The following SF3A1 variants were observed in gnomAD, a reference collection of about 807,000 sequenced individuals.
SF3A1 encodes the protein SAP 114.
In SF3A1, 13 loss-of-function variants were observed where a neutral mutation model predicts 89.9. That is an observed-to-expected ratio of 0.14 (90% CI 0.09 to 0.23). The LOEUF (loss-of-function observed/expected upper bound fraction) is 0.23, where lower values mean the gene tolerates loss of function less well. Among genes scored for constraint, SF3A1 ranks in the 10% least tolerant of loss-of-function variants. The pLI is 1.00. For missense variants in SF3A1, 604 were observed against 1,022.1 expected, an observed-to-expected ratio of 0.59 and a Z score of 5.58; for synonymous variants, 405 against 374.4, an observed-to-expected ratio of 1.08 and a Z score of -0.94.
intron 1 of SF3A1, among the ~76,000 whole-genome samples, chr22:30,354,911 G>A (rs892361887): frequency 1.3e-5 from 2 of 152,134 alleles, no homozygotes; most frequent in African/African-American, 4.8e-5. Flanking sequence ...GTGACAGAAC[G>A]ACACCCGGTC....
chr22:30,353,493 T>A (rs1931662514), intron 1 of SF3A1, among the ~76,000 whole-genome samples: 1 of 152,228 alleles, frequency 6.6e-6, no homozygotes, highest in Admixed American at 6.5e-5. Context: ...TGCCACCACC[T>A]GGCCCTGGTG....
intron 5 of SF3A1, 148 bp from the exon 6 acceptor site, chr22:30,342,498 C>T: frequency 1.2e-6 from 1 of 865,454 alleles, no homozygotes; most frequent in East Asian, 2.6e-5. Flanking sequence ...GCACCTGGTT[C>T]CACCCAGGTG....
chr22:30,350,334 T>C (rs1258042731), intron 2 of SF3A1, among the ~76,000 whole-genome samples: 1 of 117,420 alleles, frequency 8.5e-6, no homozygotes, highest in Non-Finnish European at 2.0e-5. Context: ...AAAAAAAAAT[T>C]AGCTGGGTGT....
chr22:30,340,127 A>G, intron 9 of SF3A1, 69 bp downstream of exon 9: 1 of 1,338,730 alleles, frequency 7.5e-7, no homozygotes, highest in Non-Finnish European at 9.8e-7. Context: ...GTTGCTTTCT[A>G]TGTTTGCTTA....
At chr22:30,356,423 T>C (rs1218486265) in intron 1 of SF3A1, among the ~76,000 whole-genome samples, 2 of 152,278 alleles carry the variant, frequency 1.3e-5, no homozygotes, top group South Asian at 2.1e-4. Context: ...CTCGCACTTA[T>C]AAATCAATCA....
At position 30,334,423 on chromosome 22, in the gene SF3A1, G is replaced by C. The variant is rs1274658100; in HGVS notation, c.*171C>G. On this transcript the variant is annotated 3_prime_UTR_variant, in exon 16 of 16. Transcript: ENST00000215793. ...ACCCAGCTACTCTTACCAATGTGGGGAAAGGGTCAGGGGAATGAACCTCTG... is the reference window on the plus strand; with the variant it reads ...ACCCAGCTACTCTTACCAATGTGGGCAAAGGGTCAGGGGAATGAACCTCTG... 2.0e-6 allele frequency: 1 copy of C among 510,594 alleles called. No individual in the cohort carries two copies. Among genetic ancestry groups the C allele is most frequent in the East Asian group, 3.6e-5 (1 of 27,752 alleles). 31.6% of individuals were successfully genotyped at this position (510,594 alleles called of 1,614,324 possible).
In SF3A1 at chr22:30,356,758, G is replaced by T. The variant is rs1931884425; in HGVS notation, c.35C>A (p.Pro12Gln). Residue 12 changes from proline to glutamine, a missense_variant, in exon 1 of 16, where the codon CCG (proline) becomes CAG (glutamine). Physicochemically the swap from Pro to Gln is moderately conservative, Grantham distance 76. This residue lies in a region of SF3A1 where 55 missense variants were observed against 43.8 expected (regional missense o/e 1.25). Transcript: ENST00000215793. Reference protein sequence around the residue: ...PAGPVQAVPPPPPVPTEPKQP... With the variant: ...PAGPVQAVPPQPPVPTEPKQP... The stretch of plus-strand genomic sequence containing the variant: ...TTTGGGCTCCGTGGGCACGGGCGGC[G>T]GCGGGGGCACCGCCTGCACGGGTCC... 3 of 1,485,376 alleles carry T rather than the reference G, an allele frequency of 2.0e-6. No homozygotes were observed. The highest frequency in any genetic ancestry group is 2.7e-6 in the Non-Finnish European group (3 of 1,113,654). 92.0% of individuals were successfully genotyped at this position (1,485,376 alleles called of 1,614,324 possible).
At position 30,355,818 on chromosome 22, in the gene SF3A1, C is replaced by CT. The variant is rs1555980848; in HGVS notation, c.63+911_63+912insA. ...GGCATGGCTTCTTCAGTCATGTTCC[C>CT]CCCCCCCGCCCCCCTTATTCTGAAC... On this transcript the variant is annotated intron_variant, in intron 1 of 15. Coordinates refer to ENST00000215793, the MANE Select transcript of SF3A1 (RefSeq NM_005877.6). Among the ~76,000 whole-genome samples the CT allele has an allele frequency of 7.6e-5, 8 of 105,798 alleles. 1 individual carries two copies. The highest frequency in any genetic ancestry group is 2.5e-4 in the African/African-American group (7 of 27,480). The allele number at this position is 105,798 out of a possible 152,430, so 69.4% of individuals were successfully genotyped here. A position where few individuals can be genotyped will look rare whatever the true frequency, so the allele number is the denominator to read the frequency against.
At chr22:30,348,045 A>G (rs1271495930) in intron 2 of SF3A1, among the ~76,000 whole-genome samples, 1 of 152,122 alleles carries the variant, frequency 6.6e-6, no homozygotes, top group African/African-American at 2.4e-5. Flanking sequence ...GGGTTTCACC[A>G]TGTTGCTCAG....
At chr22:30,339,954 C>G (rs1315630346) in intron 9 of SF3A1, among the ~76,000 whole-genome samples, 1 of 152,200 alleles carries the variant, frequency 6.6e-6, no homozygotes, top group Non-Finnish European at 1.5e-5. Flanking sequence ...GAAGCCCTTC[C>G]AGCTAAAGCC....
At chr22:30,356,415 C>G (rs1569178003) in intron 1 of SF3A1, among the ~76,000 whole-genome samples, 1 of 152,258 alleles carries the variant, frequency 6.6e-6, no homozygotes, top group Non-Finnish European at 1.5e-5. Context: ...CAGCGCCTCT[C>G]GCACTTATAA....
chr22:30,336,956 G>C (rs146729012), intron 13 of SF3A1, 70 bp downstream of exon 13: 3 of 1,584,170 alleles, frequency 1.9e-6, no homozygotes, highest in Non-Finnish European at 2.6e-6. Context: ...GGTCAGTTTC[G>C]CAAGTGTACG....
rs762077184 is a variant in SF3A1, at chr22:30,340,294, T to C, written c.1277A>G (p.Gln426Arg). The change falls in exon 9 of 16, where the codon CAG becomes CGG. Residue 426 changes from glutamine to arginine, a missense_variant. Physicochemically the swap from Gln to Arg is conservative, Grantham distance 43. This residue lies in a region of SF3A1 where 146 missense variants were observed against 228.5 expected (regional missense o/e 0.64). Coordinates refer to ENST00000215793, the MANE Select transcript of SF3A1 (RefSeq NM_005877.6). ...AAGAAGTCCAATGCGCATGTGTTCC[T>C]GCATTTTGCTGGCGGGGATCTTCTC... ...TGEKIPASKMQEHMRIGLLDP... is the reference protein window; with the variant it reads ...TGEKIPASKMREHMRIGLLDP... 6.2e-7 allele frequency: 1 copy of C among 1,613,474 alleles called. No individual in the cohort carries two copies. The highest frequency in any genetic ancestry group is 1.7e-5 in the Admixed American group (1 of 59,768).
Position 30,346,358 on chromosome 22 carries a change from A to C in SF3A1, c.347T>G (p.Val116Gly). Residue 116 changes from valine (V) to glycine (G), a missense_variant, in exon 3 of 16, where the codon GTC (valine) becomes GGC (glycine). Around this residue, in one of 9 missense-constraint regions of SF3A1, gnomAD observed 162 missense variants for 229.2 expected, o/e 0.71. Coordinates refer to ENST00000215793, the MANE Select transcript of SF3A1 (RefSeq NM_005877.6). ...GGTGGTCTGCTGCTGCTGCTGCATGACCTTGGGGATGGCGGCGGACGGCTC... is the reference window on the plus strand; with the variant it reads ...GGTGGTCTGCTGCTGCTGCTGCATGCCCTTGGGGATGGCGGCGGACGGCTC... ...AQEPSAAIPK[V>G]MQQQQQTTQQ... 2.5e-6 allele frequency: 4 copies of C among 1,613,840 alleles called. No homozygotes were observed. Among genetic ancestry groups the C allele is most frequent in the Non-Finnish European group, 3.4e-6 (4 of 1,179,890 alleles).
At chr22:30,347,098 C>A (rs1183464845) in intron 2 of SF3A1, among the ~76,000 whole-genome samples, 1 of 151,966 alleles carries the variant, frequency 6.6e-6, no homozygotes, top group Admixed American at 6.6e-5. Flanking sequence ...TTGATTTGAG[C>A]CTGGGCAACA....
intron 2 of SF3A1, among the ~76,000 whole-genome samples, chr22:30,350,232 G>A (rs1931544718): frequency 6.6e-6 from 1 of 151,446 alleles, no homozygotes; most frequent in Non-Finnish European, 1.5e-5. Context: ...GCTGAGACAT[G>A]AGGATCACTT....
intron 3 of SF3A1, among the ~76,000 whole-genome samples, chr22:30,345,596 G>A (rs1217119370): frequency 6.6e-6 from 1 of 152,184 alleles, no homozygotes; most frequent in African/African-American, 2.4e-5. Flanking sequence ...CCGCATGAAC[G>A]ATGAGGTAGC....
intron 1 of SF3A1, among the ~76,000 whole-genome samples, chr22:30,353,655 T>C (rs997596306): frequency 1.3e-5 from 2 of 152,182 alleles, no homozygotes; most frequent in Non-Finnish European, 2.9e-5. Flanking sequence ...CTTGATCTAT[T>C]ATGACTCTTT....
At chr22:30,351,051 A>G (rs1195471356) in intron 2 of SF3A1, among the ~76,000 whole-genome samples, 1 of 152,282 alleles carries the variant, frequency 6.6e-6, no homozygotes, top group Non-Finnish European at 1.5e-5. Flanking sequence ...CTGTAATCCC[A>G]GCACTTTGGG....
Sources: allele counts gnomAD v4.1 joint callset (sites outside exome capture counted in the v4.1 genomes callset), GRCh38; gene constraint gnomAD v4.1.1; regional missense constraint gnomAD v4.1.1; transcripts MANE v1.5; gene names NCBI Gene and HGNC (gene_info 2026-07-23, HGNC 2026-07-21).